Variants in SLIT2 observed in about 807,000 individuals in gnomAD.
SLIT2 encodes slit guidance ligand 2.
A neutral mutation model predicts 185.7 loss-of-function variants in SLIT2; 41 were observed. The observed-to-expected ratio is 0.22, with a 90% CI of 0.17 to 0.29. SLIT2 has a LOEUF of 0.29. Ranked by LOEUF, SLIT2 falls within the 10% of genes least tolerant of loss-of-function variation. The probability of loss-of-function intolerance (pLI) is 1.00; values close to 1 mark genes in which losing one functional copy is unlikely to be tolerated. For missense variants in SLIT2, 1,571 were observed against 1,909.0 expected, an observed-to-expected ratio of 0.82 and a Z score of 3.30; for synonymous variants, 693 against 680.2, an observed-to-expected ratio of 1.02 and a Z score of -0.29.
At chr4:20,410,899 CT>C (rs34231622) in intron 4 of SLIT2, among the ~76,000 whole-genome samples, 1 of 151,800 alleles carries the variant, frequency 6.6e-6, no homozygotes, top group Admixed American at 6.6e-5. Context: ...CTATAGGGCT[CT>C]TTTTTTGGTT....
At chr4:20,375,562 T>C (rs1227376081) in intron 4 of SLIT2, among the ~76,000 whole-genome samples, 1 of 152,090 alleles carries the variant, frequency 6.6e-6, no homozygotes, top group Non-Finnish European at 1.5e-5. Context: ...GGATTTAGTT[T>C]TGCATTAACT....
chr4:20,529,018 G>T lies in SLIT2; in HGVS notation c.1532G>T (p.Arg511Leu), dbSNP rs370321980. The change falls in exon 16 of 37, where the codon CGC (arginine) becomes CTC (leucine). Residue 511 changes from arginine (R) to leucine (L), a missense_variant. Physicochemically the swap from Arg to Leu is moderately radical, Grantham distance 102 (BLOSUM62 -2). Coordinates refer to ENST00000504154, the MANE Select transcript of SLIT2 (RefSeq NM_004787.4). ...FADLACPEKC[R>L]CEGTTVDCSN... Reference sequence around the variant, plus strand: ...GATCTGGCTTGCCCTGAAAAGTGTCGCTGTGAAGGAACCACAGTAGATTGC... The same window carrying T: ...GATCTGGCTTGCCCTGAAAAGTGTCTCTGTGAAGGAACCACAGTAGATTGC... The T allele has an allele frequency of 5.0e-6, 8 of 1,613,742 alleles. No individual in the cohort carries two copies. In the African/African-American group the frequency reaches 9.3e-5, roughly 19 times the overall value.
At chr4:20,304,913 G>A (rs185337100) in intron 4 of SLIT2, among the ~76,000 whole-genome samples, 93 of 152,308 alleles carry the variant, frequency 6.1e-4, no homozygotes, top group Non-Finnish European at 9.7e-4. Flanking sequence ...AAAATGAATG[G>A]AGAATGGTTT....
intron 29 of SLIT2, among the ~76,000 whole-genome samples, chr4:20,580,079 A>G (rs1577963689): frequency 6.9e-6 from 1 of 145,210 alleles, no homozygotes; most frequent in Non-Finnish European, 1.5e-5. Flanking sequence ...ATATATATAT[A>G]TATATTTGAG....
intron 9 of SLIT2, among the ~76,000 whole-genome samples, chr4:20,505,898 C>T (rs1294349535): frequency 6.6e-6 from 1 of 151,762 alleles, no homozygotes; most frequent in Non-Finnish European, 1.5e-5. Context: ...AATTAGAGAG[C>T]AAGAGAAAAA....
intron 4 of SLIT2, among the ~76,000 whole-genome samples, chr4:20,376,504 G>A (rs1283482982): frequency 6.6e-6 from 1 of 151,972 alleles, no homozygotes; most frequent in African/African-American, 2.4e-5. Flanking sequence ...TTTTAATGGT[G>A]CAATGATGCC....
chr4:20,613,788 C>T (rs1729428528), intron 34 of SLIT2, among the ~76,000 whole-genome samples: 1 of 152,214 alleles, frequency 6.6e-6, no homozygotes, highest in African/African-American at 2.4e-5. Flanking sequence ...TGGGGAGAGG[C>T]AGCCCCTTGG....
At chr4:20,514,452 C>T (rs576752189) in intron 11 of SLIT2, among the ~76,000 whole-genome samples, 4 of 152,128 alleles carry the variant, frequency 2.6e-5, no homozygotes, top group Non-Finnish European at 5.9e-5. Context: ...ACTGGCCTGG[C>T]CAACATGGTG....
At chr4:20,396,099 A>G (rs1049302229) in intron 4 of SLIT2, among the ~76,000 whole-genome samples, 1 of 151,942 alleles carries the variant, frequency 6.6e-6, no homozygotes, top group Non-Finnish European at 1.5e-5. Flanking sequence ...GGCACAGAGT[A>G]TATAATAACA....
rs1271279922 is a variant in SLIT2 at position 20,518,557 on chromosome 4, G to GTGTGTATATA, written c.1059-824_1059-823insGTGTATATAT. On this transcript the variant is annotated intron_variant, in intron 11 of 36. Transcript: ENST00000504154. Reference sequence around the variant, plus strand: ...ATGAGCCACTGTGCCCAGCCTATATGTATATATATATATATATATATATAT... The same window carrying GTGTGTATATA: ...ATGAGCCACTGTGCCCAGCCTATATGTGTGTATATATATATATATATATATATATATATAT... 1.2e-3 allele frequency among the ~76,000 whole-genome samples: 21 copies of GTGTGTATATA among 17,862 alleles called. 1 individual carries two copies. The highest frequency in any genetic ancestry group is 1.9e-3 in the East Asian group (1 of 540). The allele number at this position is 17,862 out of a possible 152,430, so 11.7% of individuals were successfully genotyped here. A position where few individuals can be genotyped will look rare whatever the true frequency, so the allele number is the denominator to read the frequency against.
intron 4 of SLIT2, among the ~76,000 whole-genome samples, chr4:20,329,162 T>C (rs910587201): frequency 6.6e-6 from 1 of 151,894 alleles, no homozygotes; most frequent in African/African-American, 2.4e-5. Context: ...CTATATATTA[T>C]AGGGTATTAA....
At position 20,490,930 on chromosome 4, in the gene SLIT2, GGCCCTTTCCTGGC is replaced by G. The variant is rs761305777; in HGVS notation, c.776-830_776-818del. ...CTTCCTGGCACGTCACCACCACTAG[GGCCCTTTCCTGGC>G]AGGTTGGAAAGGGCAGTCCCCACTG... On this transcript the variant is annotated intron_variant, in intron 8 of 36. Coordinates refer to ENST00000504154, the MANE Select transcript of SLIT2 (RefSeq NM_004787.4). The G allele has an allele frequency of 1.4e-3, 1,086 of 754,896 alleles. 14 individuals are homozygous for G. The highest frequency in any genetic ancestry group is 1.8e-3 in the Non-Finnish European group (821 of 452,780). The allele number at this position is 754,896 out of a possible 1,614,324, so 46.8% of individuals were successfully genotyped here.
At chr4:20,547,968 G>C (rs1233671964) in intron 22 of SLIT2, among the ~76,000 whole-genome samples, 2 of 152,030 alleles carry the variant, frequency 1.3e-5, no homozygotes, top group East Asian at 3.9e-4. Context: ...ATGACATTTT[G>C]AATGTAATTA....
At chr4:20,340,629 C>T (rs1720883558) in intron 4 of SLIT2, among the ~76,000 whole-genome samples, 1 of 152,020 alleles carries the variant, frequency 6.6e-6, no homozygotes, top group South Asian at 2.1e-4. Flanking sequence ...GAGATGGAGT[C>T]TCGCTCTGTC....
intron 4 of SLIT2, among the ~76,000 whole-genome samples, chr4:20,365,375 C>T (rs938331400): frequency 2.6e-5 from 4 of 152,080 alleles, no homozygotes; most frequent in Non-Finnish European, 4.4e-5. Flanking sequence ...GCCTCTCAGC[C>T]GTATCATCTT....
chr4:20,397,092 A>G (rs984927648), intron 4 of SLIT2, among the ~76,000 whole-genome samples: 7 of 151,672 alleles, frequency 4.6e-5, no homozygotes, highest in African/African-American at 1.7e-4. Context: ...GCATGAAGTG[A>G]TTAATTAATT....
At chr4:20,391,161 A>C (rs964624466) in intron 4 of SLIT2, among the ~76,000 whole-genome samples, 3 of 152,064 alleles carry the variant, frequency 2.0e-5, no homozygotes, top group Non-Finnish European at 4.4e-5. Context: ...CCTTTTACCT[A>C]TGTAAATTAC....
intron 4 of SLIT2, among the ~76,000 whole-genome samples, chr4:20,388,196 A>G (rs1725086261): frequency 6.6e-6 from 1 of 152,158 alleles, no homozygotes; most frequent in Non-Finnish European, 1.5e-5. Context: ...TAAAAAACTA[A>G]ACTGAAACCT....
intron 4 of SLIT2, among the ~76,000 whole-genome samples, chr4:20,364,692 A>G (rs1408545418): frequency 6.9e-6 from 1 of 145,128 alleles, no homozygotes; most frequent in African/African-American, 2.6e-5. Context: ...TTCTGTGAAA[A>G]GCCAGGTGTT....
Sources: allele counts gnomAD v4.1 joint callset (sites outside exome capture counted in the v4.1 genomes callset), GRCh38; gene constraint gnomAD v4.1.1; transcripts MANE v1.5; gene names NCBI Gene and HGNC (gene_info 2026-07-23, HGNC 2026-07-21).